Variants in ATP6V1H observed in about 807,000 individuals in gnomAD.
The protein encoded by ATP6V1H is ATPase H+ transporting V1 subunit H.
A neutral mutation model predicts 71.7 loss-of-function variants in ATP6V1H; 39 were observed. The observed-to-expected ratio is 0.54, with a 90% CI of 0.42 to 0.71. The LOEUF is 0.71. Among genes scored for constraint, ATP6V1H ranks in the 30% least tolerant of loss-of-function variants. ATP6V1H has a pLI of 0.00. For missense variants in ATP6V1H, 509 were observed against 594.9 expected, an observed-to-expected ratio of 0.86 and a Z score of 1.50; for synonymous variants, 192 against 199.3, an observed-to-expected ratio of 0.96 and a Z score of 0.31.
chr8:53,808,263 A>G (rs1425862136), intron 7 of ATP6V1H, among the ~76,000 whole-genome samples: 1 of 152,266 alleles, frequency 6.6e-6, no homozygotes, highest in Admixed American at 6.5e-5. Context: ...TGGAGGAATC[A>G]CAGTATTCTT....
intron 13 of ATP6V1H, among the ~76,000 whole-genome samples, chr8:53,721,569 T>G (rs1806614916): frequency 6.6e-6 from 1 of 152,202 alleles, no homozygotes. Context: ...GAGCCCAATT[T>G]ATAGATACGT....
At chr8:53,807,538 G>C (rs1810122977) in intron 7 of ATP6V1H, among the ~76,000 whole-genome samples, 1 of 152,128 alleles carries the variant, frequency 6.6e-6, no homozygotes, top group African/African-American at 2.4e-5. Context: ...GCTAAGTGAA[G>C]GAAGCCAGTC....
chr8:53,763,352 G>C (rs1440781425), intron 11 of ATP6V1H, among the ~76,000 whole-genome samples: 1 of 152,018 alleles, frequency 6.6e-6, no homozygotes, highest in East Asian at 1.9e-4. Context: ...AGCATCAAAA[G>C]GACAAAATAT....
intron 13 of ATP6V1H, among the ~76,000 whole-genome samples, chr8:53,736,047 G>T (rs1023171992): frequency 2.0e-5 from 3 of 152,180 alleles, no homozygotes; most frequent in Admixed American, 6.5e-5. Context: ...GAAGCTTTAG[G>T]ACTCGTCAAA....
chr8:53,759,433 C>T (rs1016414609), intron 11 of ATP6V1H, among the ~76,000 whole-genome samples: 29 of 152,178 alleles, frequency 1.9e-4, no homozygotes, highest in African/African-American at 7.0e-4. Flanking sequence ...ACAGTTAAGT[C>T]AACAATAGAT....
chr8:53,815,003 A>T (rs924327637), intron 5 of ATP6V1H, among the ~76,000 whole-genome samples: 2 of 152,208 alleles, frequency 1.3e-5, no homozygotes, highest in African/African-American at 4.8e-5. Flanking sequence ...GAATTTCTTG[A>T]CACTCCCTGT....
chr8:53,828,574 G>A (rs1194884556), intron 4 of ATP6V1H, among the ~76,000 whole-genome samples: 2 of 152,112 alleles, frequency 1.3e-5, no homozygotes, highest in South Asian at 4.1e-4. Context: ...AAAGTGCTCA[G>A]AGAGACTGAG....
chr8:53,745,743 A>T (rs1447838050), intron 12 of ATP6V1H, among the ~76,000 whole-genome samples: 2 of 152,204 alleles, frequency 1.3e-5, no homozygotes, highest in African/African-American at 4.8e-5. Flanking sequence ...AAAAAAAAAA[A>T]ATATGGTACT....
intron 9 of ATP6V1H, among the ~76,000 whole-genome samples, chr8:53,778,104 T>A (rs2130348673): frequency 1.3e-5 from 2 of 152,284 alleles, no homozygotes; most frequent in South Asian, 4.1e-4. Flanking sequence ...ATAGAAAGGA[T>A]GTGTATTGTG....
chr8:53,719,296 G>A (rs1337187469), intron 13 of ATP6V1H, among the ~76,000 whole-genome samples: 2 of 151,816 alleles, frequency 1.3e-5, no homozygotes, highest in African/African-American at 4.8e-5. Flanking sequence ...TTGGCCCCCC[G>A]AGTAGCTGGG....
intron 9 of ATP6V1H, among the ~76,000 whole-genome samples, chr8:53,779,813 T>C (rs185290775): frequency 1.9e-3 from 283 of 152,302 alleles, no homozygotes; most frequent in Non-Finnish European, 3.0e-3. Context: ...TTTATATGGT[T>C]TTGTTAATTT....
chr8:53,796,635 T>C lies in ATP6V1H; in HGVS notation c.678-796A>G, dbSNP rs138389386. On this transcript the variant is annotated intron_variant, in intron 8 of 13. Coordinates refer to ENST00000359530, the MANE Select transcript of ATP6V1H (RefSeq NM_015941.4). Reference sequence around the variant, plus strand: ...TTAAGAGCTCGAAGACCATAGAATGTACAACACAAAGAGTGAGCCCTAATA... The same window carrying C: ...TTAAGAGCTCGAAGACCATAGAATGCACAACACAAAGAGTGAGCCCTAATA... 2.2e-3 allele frequency among the ~76,000 whole-genome samples: 338 copies of C among 152,252 alleles called. 2 individuals carry two copies. Among genetic ancestry groups the C allele is most frequent in the African/African-American group, 7.9e-3 (327 of 41,556 alleles).
chr8:53,722,677 A>T (rs1407436681), intron 13 of ATP6V1H, among the ~76,000 whole-genome samples: 3 of 152,248 alleles, frequency 2.0e-5, no homozygotes, highest in Non-Finnish European at 4.4e-5. Context: ...TTGTTGAATA[A>T]ACGGTAGTTG....
At chr8:53,814,606 A>T in intron 6 of ATP6V1H, 56 bp downstream of exon 6, 2 of 984,294 alleles carry the variant, frequency 2.0e-6, no homozygotes, top group African/African-American at 1.6e-5. Flanking sequence ...TAAATAGCTT[A>T]AAAGAACACG....
intron 4 of ATP6V1H, among the ~76,000 whole-genome samples, chr8:53,819,778 A>G (rs1305733906): frequency 1.4e-5 from 2 of 145,862 alleles, no homozygotes; most frequent in African/African-American, 2.5e-5. Flanking sequence ...TATACATAGT[A>G]TATATATATG....
intron 5 of ATP6V1H, 24 bp downstream of exon 5, chr8:53,817,393 G>T (rs1245963237): frequency 6.6e-7 from 1 of 1,519,416 alleles, no homozygotes; most frequent in Non-Finnish European, 9.1e-7. Context: ...TTTAAAAAAA[G>T]AATCCAATCA....
chr8:53,780,530 T>C (rs1809071842), intron 9 of ATP6V1H, among the ~76,000 whole-genome samples: 1 of 152,132 alleles, frequency 6.6e-6, no homozygotes. Context: ...TATATTTTTT[T>C]TTCTTTTTTT....
intron 4 of ATP6V1H, among the ~76,000 whole-genome samples, chr8:53,819,665 CATATATA>C (rs1810581690): frequency 9.0e-6 from 1 of 111,400 alleles, no homozygotes; most frequent in Non-Finnish European, 1.7e-5. Flanking sequence ...TACGTATATA[CATATATA>C]CATATGTATA....
intron 12 of ATP6V1H, among the ~76,000 whole-genome samples, chr8:53,755,999 C>T (rs1357840181): frequency 1.4e-5 from 2 of 143,020 alleles, no homozygotes; most frequent in African/African-American, 2.6e-5. Context: ...CCTTGTGATC[C>T]GCCCGCCTCG....
Sources: allele counts gnomAD v4.1 joint callset (sites outside exome capture counted in the v4.1 genomes callset), GRCh38; gene constraint gnomAD v4.1.1; transcripts MANE v1.5; gene names NCBI Gene and HGNC (gene_info 2026-07-23, HGNC 2026-07-21).